Variants in ADRA1B observed in about 807,000 individuals in gnomAD.
The protein encoded by ADRA1B is alpha-1B adrenergic receptor.
ADRA1B carries 17 observed loss-of-function variants against 17.9 expected under a neutral mutation model. That is an observed-to-expected ratio of 0.95 (90% CI 0.65 to 1.42). ADRA1B has a LOEUF of 1.42. Ranked by LOEUF, ADRA1B falls within the 40% of genes most tolerant of loss-of-function variation. The pLI, the probability that ADRA1B is intolerant of heterozygous loss-of-function variation, is 0.00. For synonymous variants in ADRA1B, 366 were observed against 327.6 expected, an observed-to-expected ratio of 1.12 and a Z score of -1.27; for missense variants, 681 against 722.1, an observed-to-expected ratio of 0.94 and a Z score of 0.65.
chr5:159,978,517 C>T, the ADRA1B span, among the ~76,000 whole-genome samples: 1 of 152,214 alleles, frequency 6.6e-6, no homozygotes, highest in African/African-American at 2.4e-5. Flanking sequence ...CTGATTCTGG[C>T]TCAGCCCCTA....
chr5:159,897,152 T>C (rs1052396196), intron 1 of ADRA1B, among the ~76,000 whole-genome samples: 1 of 152,210 alleles, frequency 6.6e-6, no homozygotes, highest in East Asian at 1.9e-4. Flanking sequence ...ACTATTTTCC[T>C]CGTTTCCTGT....
At chr5:159,922,477 C>G (rs1457346015) in intron 1 of ADRA1B, among the ~76,000 whole-genome samples, 1 of 152,118 alleles carries the variant, frequency 6.6e-6, no homozygotes, top group African/African-American at 2.4e-5. Flanking sequence ...TCCAGGAAAC[C>G]CAGAACCACC....
intron 1 of ADRA1B, among the ~76,000 whole-genome samples, chr5:159,883,336 T>C (rs995807141): frequency 6.6e-6 from 1 of 152,188 alleles, no homozygotes; most frequent in Non-Finnish European, 1.5e-5. Flanking sequence ...TTCCCTCTTC[T>C]AGGAACTTCA....
Position 159,938,486 on chromosome 5 carries a change from G to A in ADRA1B, c.949+20632G>A, listed in dbSNP as rs948852924. On this transcript the variant is annotated intron_variant, in intron 1 of 1. Transcript: ENST00000306675. ...CAATATCAAATCATTAGCGTAAGTGGATGGGGAATCCCAGAGAATGGGTAA... is the reference window on the plus strand; with the variant it reads ...CAATATCAAATCATTAGCGTAAGTGAATGGGGAATCCCAGAGAATGGGTAA... Among the ~76,000 whole-genome samples the A allele has an allele frequency of 7.2e-5, 11 of 152,210 alleles. 1 individual carries two copies. The highest frequency in any genetic ancestry group is 5.9e-4 in the Admixed American group (9 of 15,288).
intron 1 of ADRA1B, among the ~76,000 whole-genome samples, chr5:159,957,451 G>A (rs1755575170): frequency 6.7e-6 from 1 of 150,106 alleles, no homozygotes; most frequent in South Asian, 2.1e-4. Flanking sequence ...GCTGCAGTGA[G>A]CTGAGATCAT....
At chr5:159,982,559 A>C in the ADRA1B span, among the ~76,000 whole-genome samples, 3 of 152,172 alleles carry the variant, frequency 2.0e-5, no homozygotes, top group Non-Finnish European at 2.9e-5. Context: ...TAATTAGTCC[A>C]AGATAACATG....
chr5:159,982,122 G>A, the ADRA1B span, among the ~76,000 whole-genome samples: 11 of 152,304 alleles, frequency 7.2e-5, no homozygotes, highest in Admixed American at 1.3e-4. Flanking sequence ...CTAAGGTCCC[G>A]GCCAACAGTC....
the ADRA1B span, among the ~76,000 whole-genome samples, chr5:159,987,428 C>A: frequency 2.0e-5 from 3 of 152,340 alleles, no homozygotes; most frequent in Admixed American, 6.5e-5. Flanking sequence ...TTCCTCCTTA[C>A]GTGCAGAGAC....
At chr5:159,964,679 C>T (rs1231293103) in intron 1 of ADRA1B, among the ~76,000 whole-genome samples, 1 of 152,090 alleles carries the variant, frequency 6.6e-6, no homozygotes, top group Non-Finnish European at 1.5e-5. Flanking sequence ...AGGAATGTTG[C>T]CCACAATTTT....
At chr5:159,941,551 T>C (rs987894367) in intron 1 of ADRA1B, among the ~76,000 whole-genome samples, 1 of 152,192 alleles carries the variant, frequency 6.6e-6, no homozygotes, top group Non-Finnish European at 1.5e-5. Context: ...ATTGGAAACA[T>C]GTCCTCACAC....
At chr5:159,873,361 C>T (rs1386168055) in intron 1 of ADRA1B, among the ~76,000 whole-genome samples, 2 of 152,220 alleles carry the variant, frequency 1.3e-5, no homozygotes, top group Admixed American at 1.3e-4. Flanking sequence ...CCCACTGAGT[C>T]CGCTGCTGCA....
At chr5:159,986,517 G>A in the ADRA1B span, among the ~76,000 whole-genome samples, 3 of 152,122 alleles carry the variant, frequency 2.0e-5, no homozygotes, top group Non-Finnish European at 2.9e-5. Context: ...TATTTGAACC[G>A]ACAGCTTTTA....
chr5:159,884,919 T>A (rs1012868017), intron 1 of ADRA1B, among the ~76,000 whole-genome samples: 1 of 152,240 alleles, frequency 6.6e-6, no homozygotes, highest in Admixed American at 6.5e-5. Flanking sequence ...AACTCACTGT[T>A]GTGAGTGACA....
At chr5:159,880,164 G>C (rs1297123283) in intron 1 of ADRA1B, among the ~76,000 whole-genome samples, 1 of 152,126 alleles carries the variant, frequency 6.6e-6, no homozygotes, top group Non-Finnish European at 1.5e-5. Flanking sequence ...GCTAAGTAAG[G>C]TGAATAAGAC....
chr5:159,913,889 C>T (rs73817244), upstream of ADRA1B, among the ~76,000 whole-genome samples: 736 of 152,240 alleles, frequency 4.8e-3, 6 homozygotes, highest in African/African-American at 0.016. Context: ...CACCCTTACC[C>T]TCCCCTACAC....
chr5:159,890,451 T>C (rs6556461), intron 1 of ADRA1B, among the ~76,000 whole-genome samples: 107,166 of 152,094 alleles, frequency 0.7, 39,470 homozygotes, highest in African/African-American at 0.87. Context: ...TACCTCTCAT[T>C]GTTTCTGGGG....
chr5:159,946,355 A>G (rs558918027), intron 1 of ADRA1B, among the ~76,000 whole-genome samples: 2 of 152,348 alleles, frequency 1.3e-5, no homozygotes, highest in African/African-American at 4.8e-5. Context: ...TTGAAGTATG[A>G]CATGCATACA....
the ADRA1B span, among the ~76,000 whole-genome samples, chr5:159,983,134 C>A: frequency 6.6e-6 from 1 of 152,160 alleles, no homozygotes; most frequent in Non-Finnish European, 1.5e-5. Flanking sequence ...CAACCTGACC[C>A]AGGATGAGCC....
chr5:159,925,969 C>G (rs546085178), intron 1 of ADRA1B, among the ~76,000 whole-genome samples: 6 of 152,186 alleles, frequency 3.9e-5, no homozygotes, highest in Non-Finnish European at 8.8e-5. Context: ...CCTCAGGGCT[C>G]TCTCCAGCAA....
Sources: gnomAD v4.1 joint callset for allele counts (sites outside exome capture counted in the v4.1 genomes callset) on GRCh38, gnomAD v4.1.1 for gene constraint, MANE v1.5 for transcripts, NCBI Gene and HGNC (gene_info 2026-07-23, HGNC 2026-07-21) for gene names.